The following EYS variants were observed in gnomAD, a reference collection of about 807,000 sequenced individuals.
EYS encodes protein eyes shut homolog.
A neutral mutation model predicts 282.1 loss-of-function variants in EYS; 250 were observed. The ratio of observed to expected loss-of-function variants is 0.89; its 90% CI spans 0.80 to 0.98. The LOEUF is 0.98. Ranked by LOEUF, EYS falls within the 50% of genes least tolerant of loss-of-function variation. EYS has a pLI of 0.00. For missense variants in EYS, 4,016 were observed against 3,709.0 expected (o/e 1.08, Z -2.15); for synonymous variants, 1,355 against 1,282.9 (o/e 1.06, Z -1.20).
At chr6:65,534,699 C>T (rs549602293) in intron 2 of EYS, among the ~76,000 whole-genome samples, 4 of 152,230 alleles carry the variant, frequency 2.6e-5, no homozygotes, top group African/African-American at 9.6e-5. Context: ...TACAGCTTCT[C>T]CATGGCAACA....
intron 22 of EYS, among the ~76,000 whole-genome samples, chr6:64,773,637 T>G (rs1453038610): frequency 1.3e-5 from 2 of 151,904 alleles, no homozygotes; most frequent in Admixed American, 1.3e-4. Flanking sequence ...CACCAGAATC[T>G]GTTATTTTGG....
At chr6:64,630,944 G>T (rs987769990) in intron 22 of EYS, among the ~76,000 whole-genome samples, 1 of 152,096 alleles carries the variant, frequency 6.6e-6, no homozygotes, top group Admixed American at 6.6e-5. Flanking sequence ...TATCCCATAC[G>T]TATTTATTCA....
At chr6:65,349,459 A>G (rs1212227947) in intron 9 of EYS, among the ~76,000 whole-genome samples, 1 of 151,550 alleles carries the variant, frequency 6.6e-6, no homozygotes, top group African/African-American at 2.4e-5. Flanking sequence ...AATCTTTAAA[A>G]GTTGTATGTC....
rs556694983 is a variant in EYS, at chr6:64,946,062, T to C, written c.2260-148A>G. 5.2e-6 allele frequency: 3 copies of C among 573,962 alleles called. No individual in the cohort carries two copies. In the South Asian group the frequency reaches 1.0e-4, roughly 19 times the overall value. 35.6% of individuals were successfully genotyped at this position (573,962 alleles called of 1,614,324 possible). On this transcript the variant is annotated intron_variant, in intron 14 of 42. Transcript: ENST00000503581. ...GCCAATACTCCCCCCAAATGACTTT[T>C]ACCACATTTTTAAAAGCGTGTGAAC...
intron 30 of EYS, among the ~76,000 whole-genome samples, chr6:64,294,510 C>T (rs1390467886): frequency 2.0e-5 from 3 of 152,020 alleles, no homozygotes; most frequent in Non-Finnish European, 4.4e-5. Flanking sequence ...GACTACATTC[C>T]CTGTAATAAA....
intron 22 of EYS, among the ~76,000 whole-genome samples, chr6:64,765,372 G>GA (rs1180029299): frequency 1.3e-5 from 2 of 152,134 alleles, no homozygotes; most frequent in African/African-American, 4.8e-5. Context: ...AAGACTCTAG[G>GA]AAGTTACAAG....
intron 12 of EYS, among the ~76,000 whole-genome samples, chr6:65,211,669 GTATGACTTGTCCT>G (rs1027086594): frequency 2.2e-4 from 34 of 152,122 alleles, no homozygotes; most frequent in African/African-American, 7.9e-4. Flanking sequence ...GACAGGTAGA[GTATGACTTGTCCT>G]TGTGAATTGT....
intron 33 of EYS, among the ~76,000 whole-genome samples, chr6:64,018,766 T>G (rs1264933423): frequency 2.7e-5 from 3 of 110,922 alleles, no homozygotes; most frequent in Non-Finnish European, 5.5e-5. Context: ...AGTGTTTTTT[T>G]TTTTTTTTTT....
At chr6:64,462,162 A>G (rs1020324580) in intron 26 of EYS, among the ~76,000 whole-genome samples, 1 of 152,212 alleles carries the variant, frequency 6.6e-6, no homozygotes, top group African/African-American at 2.4e-5. Context: ...CCTACTTCAC[A>G]ATTTTATTGA....
At chr6:63,913,246 A>G (rs1764323222) in intron 35 of EYS, among the ~76,000 whole-genome samples, 1 of 152,176 alleles carries the variant, frequency 6.6e-6, no homozygotes, top group Non-Finnish European at 1.5e-5. Context: ...TTCCCCATCC[A>G]TAAGATTACT....
At chr6:64,539,570 TA>T (rs1307168827) in intron 26 of EYS, among the ~76,000 whole-genome samples, 2 of 151,972 alleles carry the variant, frequency 1.3e-5, no homozygotes, top group East Asian at 3.9e-4. Context: ...GACCCTGTCT[TA>T]AAGAAGCCAG....
At chr6:64,136,133 ATTCT>A (rs1299995680) in intron 31 of EYS, among the ~76,000 whole-genome samples, 1 of 146,396 alleles carries the variant, frequency 6.8e-6, no homozygotes, top group Non-Finnish European at 1.5e-5. Flanking sequence ...CCAGGAGTAG[ATTCT>A]TTCTAAAAAA....
chr6:64,070,379 T>C (rs192650631), intron 32 of EYS, among the ~76,000 whole-genome samples: 37 of 152,230 alleles, frequency 2.4e-4, no homozygotes, highest in Admixed American at 1.8e-3. Context: ...ATATTACCAC[T>C]GAGATAATCA....
chr6:64,269,024 T>C (rs1332745592), intron 30 of EYS, among the ~76,000 whole-genome samples: 2 of 152,176 alleles, frequency 1.3e-5, no homozygotes, highest in African/African-American at 4.8e-5. Context: ...TGAAAAAATG[T>C]ATGCTTCCTC....
chr6:64,576,305 A>G (rs574326124), intron 26 of EYS, among the ~76,000 whole-genome samples: 1 of 152,202 alleles, frequency 6.6e-6, no homozygotes, highest in South Asian at 2.1e-4. Flanking sequence ...AACTTCCACA[A>G]TCCATCTTTT....
chr6:65,687,754 GT>G (rs1769080472), intron 1 of EYS, among the ~76,000 whole-genome samples: 1 of 152,206 alleles, frequency 6.6e-6, no homozygotes, highest in Non-Finnish European at 1.5e-5. Flanking sequence ...CAAAATCAAT[GT>G]GCAAAAATCA....
chr6:64,263,688 CG>C (rs1453328814), intron 30 of EYS, among the ~76,000 whole-genome samples: 2 of 152,026 alleles, frequency 1.3e-5, no homozygotes, highest in African/African-American at 4.8e-5. Flanking sequence ...CAGGATATGG[CG>C]ATTTCTCTTG....
At chr6:64,459,450 A>G (rs1474879139) in intron 26 of EYS, among the ~76,000 whole-genome samples, 8 of 152,102 alleles carry the variant, frequency 5.3e-5, no homozygotes, top group African/African-American at 1.9e-4. Flanking sequence ...TTTGAAGGGG[A>G]TTTTATTAGG....
intron 22 of EYS, among the ~76,000 whole-genome samples, chr6:64,714,944 T>A (rs1771336653): frequency 6.6e-6 from 1 of 152,030 alleles, no homozygotes; most frequent in Non-Finnish European, 1.5e-5. Context: ...GTCTATCTAG[T>A]CTCAAACTCT....
Sources: allele counts gnomAD v4.1 joint callset (sites outside exome capture counted in the v4.1 genomes callset), GRCh38; gene constraint gnomAD v4.1.1; transcripts MANE v1.5; gene names NCBI Gene and HGNC (gene_info 2026-07-23, HGNC 2026-07-21).